The following CANT1 variants were observed in gnomAD, a reference collection of about 807,000 sequenced individuals.
The protein encoded by CANT1 is calcium activated nucleotidase 1, also known as soluble calcium-activated nucleotidase 1.
In CANT1, 26 loss-of-function variants were observed where a neutral mutation model predicts 30.0. The observed-to-expected ratio is 0.87, with a 90% confidence interval of 0.64 to 1.20. The LOEUF (loss-of-function observed/expected upper bound fraction) is 1.20. Ranked by LOEUF, CANT1 falls within the 50% of genes most tolerant of loss-of-function variation. The pLI, the probability that CANT1 is intolerant of heterozygous loss-of-function variation, is 0.00. For missense variants in CANT1, 518 were observed against 563.0 expected, an observed-to-expected ratio of 0.92 and a Z score of 0.81; for synonymous variants, 246 against 251.8, an observed-to-expected ratio of 0.98 and a Z score of 0.22.
rs757251090 is a variant in CANT1, at chr17:78,997,344, C to G, written c.279G>C (p.Leu93=). 2 of 1,613,882 alleles carry G rather than the reference C, an allele frequency of 1.2e-6. No homozygotes were observed. The highest frequency in any genetic ancestry group is 2.2e-5 in the East Asian group (1 of 44,858). The part of the protein sequence containing the change: ...PANWYNDTYP[L]SPPQRTPAGI... ...CAGCCGGTGTCCTTTGTGGGGGAGA[C>G]AGGGGGTAGGTGTCATTGTACCAGT... The change falls in exon 3 of 5, where the codon CTG becomes CTC. Residue 93 remains leucine, a synonymous_variant. Transcript: ENST00000392446. The surrounding 1 kb of genome is among the most constrained non-coding windows in gnomAD (Gnocchi z 7.5).
Position 79,008,128 on chromosome 17 carries a change from G to C in CANT1, c.-147+1536C>G, listed in dbSNP as rs1402659859. On this transcript the variant is annotated intron_variant, in intron 1 of 4. Coordinates refer to ENST00000392446, the MANE Select transcript of CANT1 (RefSeq NM_001159773.2). This position sits in a 1 kb window ranked among gnomAD's most constrained non-coding sequence, Gnocchi z 4.4. Reference sequence around the variant, plus strand: ...GGAAACCCTTGCCACGTCCAGAGGGGAGAGGGTTGGCTCCTTCAGTGTGCC... The same window carrying C: ...GGAAACCCTTGCCACGTCCAGAGGGCAGAGGGTTGGCTCCTTCAGTGTGCC... The C allele has an allele frequency of 6.6e-6, 1 of 151,988 alleles. No individual in the cohort carries two copies. The highest frequency in any genetic ancestry group is 2.4e-5 in the African/African-American group (1 of 41,294). The allele number at this position is 151,988 out of a possible 1,614,324, so 9.4% of individuals were successfully genotyped here.
chr17:79,002,060 C>G lies in CANT1; in HGVS notation c.-146-4097G>C, dbSNP rs953727353. 6.6e-6 allele frequency among the ~76,000 whole-genome samples: 1 copy of G among 152,140 alleles called. No individual in the cohort carries two copies. Among genetic ancestry groups the G allele is most frequent in the Non-Finnish European group, 1.5e-5 (1 of 68,008 alleles). On this transcript the variant is annotated intron_variant, in intron 1 of 4. Transcript: ENST00000392446. The surrounding 1 kb of genome is among the most constrained non-coding windows in gnomAD (Gnocchi z 4.0). ...CTCCAGTTCCATCTCACCCTGATGACTCTCAGAGTCTTGGTCTAATGATCT... is the reference window on the plus strand; with the variant it reads ...CTCCAGTTCCATCTCACCCTGATGAGTCTCAGAGTCTTGGTCTAATGATCT...
Position 78,995,210 on chromosome 17 carries a change from C to A in CANT1, c.643G>T (p.Glu215Ter), listed in dbSNP as rs773215035. The A allele has an allele frequency of 1.9e-6, 3 of 1,613,298 alleles. No homozygotes were observed. Among genetic ancestry groups the A allele is most frequent in the South Asian group, 2.2e-5 (2 of 91,040 alleles). The part of the protein sequence containing the change: ...DGTVEKGFKA[E>*]WLAVKDERLY... The stretch of plus-strand genomic sequence containing the variant: ...CGCTCGTCCTTCACTGCCAGCCATT[C>A]GGCCTTGAAGCCTGGCCAAGCAGAG... The change falls in exon 4 of 5, where the codon GAA becomes TAA. Residue 215 changes from glutamate (E) to a stop codon, truncating the protein, a stop_gained. Coordinates refer to ENST00000392446, the MANE Select transcript of CANT1 (RefSeq NM_001159773.2). LOFTEE classifies it high-confidence loss of function. The surrounding 1 kb of genome is among the most constrained non-coding windows in gnomAD (Gnocchi z 5.7).
In CANT1 at chr17:79,008,130, G is replaced by C. The variant is rs561957607; in HGVS notation, c.-147+1534C>G. ...AAACCCTTGCCACGTCCAGAGGGGA[G>C]AGGGTTGGCTCCTTCAGTGTGCCTT... On this transcript the variant is annotated intron_variant, in intron 1 of 4. Coordinates refer to ENST00000392446, the MANE Select transcript of CANT1 (RefSeq NM_001159773.2). The surrounding 1 kb of genome is among the most constrained non-coding windows in gnomAD (Gnocchi z 4.4). 6.6e-6 allele frequency: 1 copy of C among 152,056 alleles called. No individual in the cohort carries two copies. Among genetic ancestry groups the C allele is most frequent in the East Asian group, 2.0e-4 (1 of 5,098 alleles). 9.4% of individuals were successfully genotyped at this position (152,056 alleles called of 1,614,324 possible).
chr17:78,995,201 C>T lies in CANT1; in HGVS notation c.652G>A (p.Ala218Thr), dbSNP rs113155808. Reference sequence around the variant, plus strand: ...ACGTACAGACGCTCGTCCTTCACTGCCAGCCATTCGGCCTTGAAGCCTGGC... The same window carrying T: ...ACGTACAGACGCTCGTCCTTCACTGTCAGCCATTCGGCCTTGAAGCCTGGC... ...VEKGFKAEWL[A>T]VKDERLYVGG... The change falls in exon 4 of 5, where the codon GCA becomes ACA. Residue 218 changes from alanine to threonine, a missense_variant. This residue lies in a region of CANT1 where 48 missense variants were observed against 82.5 expected (regional missense o/e 0.58). Coordinates refer to ENST00000392446, the MANE Select transcript of CANT1 (RefSeq NM_001159773.2). This position sits in a 1 kb window ranked among gnomAD's most constrained non-coding sequence, Gnocchi z 5.7. 6.2e-7 allele frequency: 1 copy of T among 1,613,908 alleles called. No individual in the cohort carries two copies. Among genetic ancestry groups the T allele is most frequent in the African/African-American group, 1.3e-5 (1 of 75,044 alleles).
rs1316992050 is a variant in CANT1, at chr17:78,997,218, G to A, written c.405C>T (p.Thr135=). The A allele has an allele frequency of 1.2e-6, 2 of 1,614,186 alleles. No homozygotes were observed. Among genetic ancestry groups the A allele is most frequent in the Admixed American group, 1.7e-5 (1 of 60,024 alleles). Residue 135 remains threonine (T), a synonymous_variant, in exon 3 of 5, where the codon ACC becomes ACT. Transcript: ENST00000392446. The surrounding 1 kb of genome is among the most constrained non-coding windows in gnomAD (Gnocchi z 7.5). ...CCACCTTGTCCCCACTGTCTGACAG[G>A]GTCAGGTAGCCCTTTTTCAGGTAAC... ...WFSYLKKGYL[T]LSDSGDKVAV... is the part of the protein sequence containing the mutation.
intron 4 of CANT1, among the ~76,000 whole-genome samples, chr17:78,994,741 G>A (rs959479842): frequency 1.3e-5 from 2 of 152,162 alleles, no homozygotes; most frequent in Non-Finnish European, 2.9e-5. Context: ...TGGGCAACAT[G>A]GTGAAACCCT....
Position 78,992,588 on chromosome 17 carries a change from G to C in CANT1, c.*962C>G, listed in dbSNP as rs2070876376. 1 of 463,622 alleles carries C rather than the reference G, an allele frequency of 2.2e-6. No homozygotes were observed. The highest frequency in any genetic ancestry group is 1.9e-5 in the African/African-American group (1 of 51,834). 28.7% of individuals were successfully genotyped at this position (463,622 alleles called of 1,614,324 possible). A position where few individuals can be genotyped will look rare whatever the true frequency, so the allele number is the denominator to read the frequency against. On this transcript the variant is annotated 3_prime_UTR_variant, in exon 5 of 5. Transcript: ENST00000392446. ...AGACAGGCCTCGTTCACAGACCCTA[G>C]GCAGGGAATAAAAAATTCAAGTCAT...
At chr17:78,999,187 A>G (rs1169140066) in intron 1 of CANT1, among the ~76,000 whole-genome samples, 19 of 152,198 alleles carry the variant, frequency 1.2e-4, no homozygotes, top group Admixed American at 1.2e-3. Flanking sequence ...CCTGCTGCTC[A>G]GAGTGATCCT....
At position 78,995,366 on chromosome 17, in the gene CANT1, T is replaced by G; in HGVS notation, c.632-145A>C. 1.2e-6 allele frequency: 1 copy of G among 860,180 alleles called. No individual in the cohort carries two copies. The highest frequency in any genetic ancestry group is 1.8e-6 in the Non-Finnish European group (1 of 542,796). The allele number at this position is 860,180 out of a possible 1,614,324, so 53.3% of individuals were successfully genotyped here. On this transcript the variant is annotated intron_variant, in intron 3 of 4. Transcript: ENST00000392446. The surrounding 1 kb of genome is among the most constrained non-coding windows in gnomAD (Gnocchi z 5.7). ...ACCTGCCTCCCCTCCGGCCCGCACCTGGCTCCCGCCCAGGGCCGGCCGGCT... is the reference window on the plus strand; with the variant it reads ...ACCTGCCTCCCCTCCGGCCCGCACCGGGCTCCCGCCCAGGGCCGGCCGGCT...
chr17:79,001,513 T>C (rs550573682), intron 1 of CANT1, among the ~76,000 whole-genome samples: 2 of 152,250 alleles, frequency 1.3e-5, no homozygotes, highest in South Asian at 4.1e-4. Context: ...GGCGAATCTG[T>C]TAATGAAGGA....
rs567566510 is a variant in CANT1, at chr17:78,992,118, ACTTC to A, written c.*1428_*1431del. On this transcript the variant is annotated 3_prime_UTR_variant, in exon 5 of 5. Transcript: ENST00000392446. ...CAGAAATGCGTCACATTCAGCGTTC[ACTTC>A]CTTCGCTTCCTCCACTACCTATGAC... is the stretch of plus-strand genomic sequence containing the variant. The A allele has an allele frequency of 8.4e-4, 195 of 232,212 alleles. No homozygotes were observed. The highest frequency in any genetic ancestry group is 1.4e-3 in the Non-Finnish European group (170 of 117,492). The allele number at this position is 232,212 out of a possible 1,614,324, so 14.4% of individuals were successfully genotyped here.
In CANT1 at chr17:78,993,897, A is replaced by C; in HGVS notation, c.859T>G (p.Cys287Gly). 1 of 1,589,864 alleles carries C rather than the reference A, an allele frequency of 6.3e-7. No homozygotes were observed. Among genetic ancestry groups the C allele is most frequent in the South Asian group, 1.1e-5 (1 of 89,400 alleles). ...CAGCGCTGCAGCGTGTCACTCCAGC[A>C]GGCAGACTCATGGATGAGGTAGCCT... ...PPGYLIHESA[C>G]WSDTLQRWFF... The change falls in exon 5 of 5, where the codon TGC (cysteine) becomes GGC (glycine). Residue 287 changes from cysteine (C) to glycine (G), a missense_variant. Around this residue, in one of 3 missense-constraint regions of CANT1, gnomAD observed 221 missense variants for 211.8 expected, o/e 1.04. Transcript: ENST00000392446. The surrounding 1 kb of genome is among the most constrained non-coding windows in gnomAD (Gnocchi z 4.5).
Position 78,992,822 on chromosome 17 carries a change from T to C in CANT1, c.*728A>G. 2 of 408,940 alleles carry C rather than the reference T, an allele frequency of 4.9e-6. No individual in the cohort carries two copies. Among genetic ancestry groups the C allele is most frequent in the Non-Finnish European group, 9.6e-6 (2 of 208,108 alleles). 25.3% of individuals were successfully genotyped at this position (408,940 alleles called of 1,614,324 possible). A position where few individuals can be genotyped will look rare whatever the true frequency, so the allele number is the denominator to read the frequency against. On this transcript the variant is annotated 3_prime_UTR_variant, in exon 5 of 5. Coordinates refer to ENST00000392446, the MANE Select transcript of CANT1 (RefSeq NM_001159773.2). ...GTGTGATAAGATTTGGTGATTCCAC[T>C]TTATAAGAAAGGAAACTGCTTTAAT...
At chr17:79,001,387 A>C (rs1437350187) in intron 1 of CANT1, among the ~76,000 whole-genome samples, 1 of 152,026 alleles carries the variant, frequency 6.6e-6, no homozygotes, top group Admixed American at 6.6e-5. Context: ...GCCGCCGGGC[A>C]CCTGCTCTTC....
chr17:78,995,803 TTC>T lies in CANT1; in HGVS notation c.632-584_632-583del, dbSNP rs979630379. Among the ~76,000 whole-genome samples the T allele has an allele frequency of 6.6e-6, 1 of 152,156 alleles. No homozygotes were observed. The highest frequency in any genetic ancestry group is 1.5e-5 in the Non-Finnish European group (1 of 68,028). ...CATCCCTACACCCTGGTGTTCTAAC[TTC>T]TGTTTGCTTTCCCCAAATTTTGCCA... On this transcript the variant is annotated intron_variant, in intron 3 of 4. Coordinates refer to ENST00000392446, the MANE Select transcript of CANT1 (RefSeq NM_001159773.2). This position sits in a 1 kb window ranked among gnomAD's most constrained non-coding sequence, Gnocchi z 5.7.
At position 78,992,960 on chromosome 17, in the gene CANT1, A is replaced by G. The variant is rs2070888707; in HGVS notation, c.*590T>C. 2 of 354,164 alleles carry G rather than the reference A, an allele frequency of 5.6e-6. No homozygotes were observed. Among genetic ancestry groups the G allele is most frequent in the East Asian group, 9.0e-5 (2 of 22,254 alleles). The allele number at this position is 354,164 out of a possible 1,614,324, so 21.9% of individuals were successfully genotyped here. A position where few individuals can be genotyped will look rare whatever the true frequency, so the allele number is the denominator to read the frequency against. ...CGGAGATGGTTTTATCTGAGGCCTGAGAACCAACAGATGTGCCTGCGCCCT... is the reference window on the plus strand; with the variant it reads ...CGGAGATGGTTTTATCTGAGGCCTGGGAACCAACAGATGTGCCTGCGCCCT... On this transcript the variant is annotated 3_prime_UTR_variant, in exon 5 of 5. Coordinates refer to ENST00000392446, the MANE Select transcript of CANT1 (RefSeq NM_001159773.2).
At position 79,002,997 on chromosome 17, in the gene CANT1, G is replaced by A. The variant is rs562663580; in HGVS notation, c.-146-5034C>T. On this transcript the variant is annotated intron_variant, in intron 1 of 4. Coordinates refer to ENST00000392446, the MANE Select transcript of CANT1 (RefSeq NM_001159773.2). This position sits in a 1 kb window ranked among gnomAD's most constrained non-coding sequence, Gnocchi z 4.0. ...ATGGAACCAGAGGTGTCTGAGTCCC[G>A]GCGTCTCTGCCCCTCTGGGGAATCA... Among the ~76,000 whole-genome samples the A allele has an allele frequency of 3.3e-5, 5 of 151,550 alleles. No individual in the cohort carries two copies. Among genetic ancestry groups the A allele is most frequent in the East Asian group, 4.0e-4 (2 of 5,050 alleles).
In CANT1 at chr17:78,993,436, C is replaced by T; in HGVS notation, c.*114G>A. On this transcript the variant is annotated 3_prime_UTR_variant, in exon 5 of 5. Coordinates refer to ENST00000392446, the MANE Select transcript of CANT1 (RefSeq NM_001159773.2). The surrounding 1 kb of genome is among the most constrained non-coding windows in gnomAD (Gnocchi z 4.5). Reference sequence around the variant, plus strand: ...GGGGCCCGGGACTGGGCTCCCTGTCCAGACCTCCAACCCAGGCACAGTTCC... The same window carrying T: ...GGGGCCCGGGACTGGGCTCCCTGTCTAGACCTCCAACCCAGGCACAGTTCC... 6.6e-7 allele frequency: 1 copy of T among 1,515,070 alleles called. No individual in the cohort carries two copies. 93.9% of individuals were successfully genotyped at this position (1,515,070 alleles called of 1,614,324 possible). A position where few individuals can be genotyped will look rare whatever the true frequency, so the allele number is the denominator to read the frequency against.
Sources: gnomAD v4.1 joint callset for allele counts (sites outside exome capture counted in the v4.1 genomes callset) on GRCh38, gnomAD v4.1.1 for gene constraint, gnomAD v4.1.1 regional missense constraint, Gnocchi (gnomAD v3.1) non-coding constraint, MANE v1.5 for transcripts, NCBI Gene and HGNC (gene_info 2026-07-23, HGNC 2026-07-21) for gene names.